The following PEX14 variants were observed in gnomAD, a reference collection of about 807,000 sequenced individuals.
The protein encoded by PEX14 is peroxisomal membrane protein PEX14.
PEX14 carries 15 observed loss-of-function variants against 49.5 expected under a neutral mutation model. The observed-to-expected ratio is 0.30, with a 90% CI of 0.20 to 0.47. The LOEUF is 0.47. Ranked by LOEUF, PEX14 falls within the 20% of genes least tolerant of loss-of-function variation. The probability of loss-of-function intolerance (pLI) is 1.00; values close to 1 mark genes in which losing one functional copy is unlikely to be tolerated. For missense variants in PEX14, 398 were observed against 494.8 expected (o/e 0.80, Z 1.86); for synonymous variants, 210 against 212.7 (o/e 0.99, Z 0.11).
intron 3 of PEX14, among the ~76,000 whole-genome samples, chr1:10,548,575 TGGG>T (rs906833058): frequency 6.6e-6 from 1 of 152,204 alleles, no homozygotes; most frequent in Non-Finnish European, 1.5e-5. Context: ...GTTTATCTGT[TGGG>T]GGGTGGTGTA....
At chr1:10,595,815 CA>C (rs756383061) in intron 3 of PEX14, among the ~76,000 whole-genome samples, 5 of 150,778 alleles carry the variant, frequency 3.3e-5, no homozygotes, top group Non-Finnish European at 5.9e-5. Context: ...AAAACAACAA[CA>C]AAAAAAAGGT....
At chr1:10,501,129 A>G (rs967035373) in intron 2 of PEX14, among the ~76,000 whole-genome samples, 2 of 152,174 alleles carry the variant, frequency 1.3e-5, no homozygotes, top group Admixed American at 6.5e-5. Context: ...GAAGTATTAA[A>G]CGTAATTATT....
At chr1:10,572,375 A>G (rs562031977) in intron 3 of PEX14, among the ~76,000 whole-genome samples, 41 of 152,324 alleles carry the variant, frequency 2.7e-4, no homozygotes, top group African/African-American at 9.1e-4. Context: ...TTAGGCAAAG[A>G]TTTCTTAATT....
At chr1:10,620,546 G>A (rs1641559406) in intron 5 of PEX14, among the ~76,000 whole-genome samples, 1 of 152,102 alleles carries the variant, frequency 6.6e-6, no homozygotes, top group Admixed American at 6.5e-5. Context: ...CCAGGACTTT[G>A]GGAGGCTGAG....
intron 3 of PEX14, among the ~76,000 whole-genome samples, chr1:10,582,198 A>G (rs979420633): frequency 6.6e-6 from 1 of 152,074 alleles, no homozygotes; most frequent in Admixed American, 6.5e-5. Flanking sequence ...TAAGAGGGGA[A>G]AAAAGGGATT....
intron 3 of PEX14, among the ~76,000 whole-genome samples, chr1:10,586,901 A>G (rs539243201): frequency 6.6e-6 from 1 of 151,674 alleles, no homozygotes; most frequent in African/African-American, 2.4e-5. Context: ...CGGCCTCCCA[A>G]AGTGCTGGGA....
intron 1 of PEX14, among the ~76,000 whole-genome samples, chr1:10,487,805 G>A (rs993502291): frequency 6.7e-6 from 1 of 150,284 alleles, no homozygotes; most frequent in Non-Finnish European, 1.5e-5. Context: ...TTTTGAGGTT[G>A]AGTCTCACTC....
At chr1:10,535,020 G>A (rs886258650) in intron 2 of PEX14, among the ~76,000 whole-genome samples, 1 of 152,148 alleles carries the variant, frequency 6.6e-6, no homozygotes, top group Non-Finnish European at 1.5e-5. Context: ...GCTTCCCTTA[G>A]TTTGAAGGAT....
At position 10,613,617 on chromosome 1, in the gene PEX14, C is replaced by A. The variant is rs1225941771; in HGVS notation, c.299-4715C>A. 6.6e-6 allele frequency among the ~76,000 whole-genome samples: 1 copy of A among 152,196 alleles called. No individual in the cohort carries two copies. Among genetic ancestry groups the A allele is most frequent in the East Asian group, 1.9e-4 (1 of 5,198 alleles). On this transcript the variant is annotated intron_variant, in intron 4 of 8. Coordinates refer to ENST00000356607, the MANE Select transcript of PEX14 (RefSeq NM_004565.3). The surrounding 1 kb of genome is among the most constrained non-coding windows in gnomAD (Gnocchi z 5.0). ...CCAGGGCTTTGGTACTGGTGAGGAACCCCTGCCACGCAGCTAGGGCGCCGG... is the reference window on the plus strand; with the variant it reads ...CCAGGGCTTTGGTACTGGTGAGGAAACCCTGCCACGCAGCTAGGGCGCCGG...
intron 1 of PEX14, among the ~76,000 whole-genome samples, chr1:10,477,041 A>C (rs944625074): frequency 6.6e-6 from 1 of 151,070 alleles, no homozygotes; most frequent in Non-Finnish European, 1.5e-5. Flanking sequence ...GCCACAGAAC[A>C]TGCTGGCAGC....
Position 10,515,002 on chromosome 1 carries a change from G to A in PEX14, c.84+19681G>A, listed in dbSNP as rs186811186. On this transcript the variant is annotated intron_variant, in intron 2 of 8. Coordinates refer to ENST00000356607, the MANE Select transcript of PEX14 (RefSeq NM_004565.3). ...CCACTCCCCTGCCGCCTGCCCCTGT[G>A]TAGGTGGGAAGAGAGCGCAGAGGGA... is the stretch of plus-strand genomic sequence containing the variant. 2.0e-3 allele frequency among the ~76,000 whole-genome samples: 311 copies of A among 152,306 alleles called. 2 individuals carry two copies. The highest frequency in any genetic ancestry group is 4.0e-3 in the Non-Finnish European group (271 of 68,024).
chr1:10,537,066 G>A lies in PEX14; in HGVS notation c.169+769G>A, dbSNP rs116111525. ...CTTAAGGAGCTGGAATGCCAGCCTT[G>A]AAATTCTGAGTTTTGAGCTTTCAGT... On this transcript the variant is annotated intron_variant, in intron 3 of 8. Coordinates refer to ENST00000356607, the MANE Select transcript of PEX14 (RefSeq NM_004565.3). Among the ~76,000 whole-genome samples the A allele has an allele frequency of 2.2e-3, 334 of 152,288 alleles. 1 individual carries two copies. Among genetic ancestry groups the A allele is most frequent in the African/African-American group, 7.3e-3 (304 of 41,562 alleles).
intron 2 of PEX14, among the ~76,000 whole-genome samples, chr1:10,498,537 C>T (rs773594283): frequency 3.9e-5 from 6 of 152,184 alleles, no homozygotes; most frequent in Non-Finnish European, 5.9e-5. Context: ...ACGACACATT[C>T]GTGTTTGTAG....
chr1:10,606,678 A>G (rs11121599), intron 4 of PEX14, among the ~76,000 whole-genome samples: 102,448 of 152,068 alleles, frequency 0.67, 36,091 homozygotes, highest in Non-Finnish European at 0.79. Flanking sequence ...GTATGTGTCA[A>G]ATATTACAGG....
In PEX14 at chr1:10,597,096, T is replaced by C. The variant is rs1640851731; in HGVS notation, c.170-2142T>C. Among the ~76,000 whole-genome samples the C allele has an allele frequency of 1.3e-5, 2 of 152,278 alleles. No homozygotes were observed. Among genetic ancestry groups the C allele is most frequent in the South Asian group, 4.1e-4 (2 of 4,834 alleles). ...GGCCACAGCACAGTCTGTAACTTAC[T>C]GTATATTTCCCCAGTGTTAAACATT... is the stretch of plus-strand genomic sequence containing the variant. On this transcript the variant is annotated intron_variant, in intron 3 of 8. Transcript: ENST00000356607. This position sits in a 1 kb window ranked among gnomAD's most constrained non-coding sequence, Gnocchi z 5.7.
intron 1 of PEX14, among the ~76,000 whole-genome samples, chr1:10,485,865 C>G (rs367886214): frequency 2.7e-5 from 4 of 150,814 alleles, no homozygotes; most frequent in African/African-American, 7.4e-5. Flanking sequence ...AAGCGATTCT[C>G]CTGTCTCAGA....
At chr1:10,576,506 T>A (rs1399863305) in intron 3 of PEX14, among the ~76,000 whole-genome samples, 1 of 152,224 alleles carries the variant, frequency 6.6e-6, no homozygotes, top group Non-Finnish European at 1.5e-5. Flanking sequence ...TTTTAGTTTT[T>A]ATGGTTTACG....
intron 3 of PEX14, among the ~76,000 whole-genome samples, chr1:10,546,891 A>G (rs1044036275): frequency 1.3e-5 from 2 of 152,044 alleles, no homozygotes; most frequent in Non-Finnish European, 2.9e-5. Context: ...AAAACGAACA[A>G]CTACAACAAC....
At chr1:10,499,704 C>G (rs1641636604) in intron 2 of PEX14, among the ~76,000 whole-genome samples, 1 of 152,128 alleles carries the variant, frequency 6.6e-6, no homozygotes, top group African/African-American at 2.4e-5. Flanking sequence ...ACCTTGGCCT[C>G]CCAAAGTGCT....
Sources: allele counts gnomAD v4.1 joint callset (sites outside exome capture counted in the v4.1 genomes callset), GRCh38; gene constraint gnomAD v4.1.1; non-coding constraint Gnocchi (gnomAD v3.1); transcripts MANE v1.5; gene names NCBI Gene and HGNC (gene_info 2026-07-23, HGNC 2026-07-21).